The following HS3ST2 variants were observed in gnomAD, a reference collection of about 807,000 sequenced individuals.
The protein encoded by HS3ST2 is heparan sulfate-glucosamine 3-sulfotransferase 2, also known as heparan sulfate glucosamine 3-O-sulfotransferase 2.
HS3ST2 carries 17 observed loss-of-function variants against 26.3 expected under a neutral mutation model. The observed-to-expected ratio is 0.65, with a 90% CI of 0.44 to 0.97. The LOEUF is 0.97. Among genes scored for constraint, HS3ST2 ranks in the 50% least tolerant of loss-of-function variants. HS3ST2 has a pLI of 0.00. For missense variants in HS3ST2, 402 were observed against 501.2 expected (o/e 0.80, Z 1.89); for synonymous variants, 237 against 219.2 (o/e 1.08, Z -0.72).
In HS3ST2 at chr16:22,903,387, G is replaced by A. The variant is rs549599093; in HGVS notation, c.486-11557G>A. Reference sequence around the variant, plus strand: ...AAGTGTCAGCTATTGTCTTGTTTATGTCCAAAGCATCGATGACCACGTGTA... The same window carrying A: ...AAGTGTCAGCTATTGTCTTGTTTATATCCAAAGCATCGATGACCACGTGTA... On this transcript the variant is annotated intron_variant, in intron 1 of 1. Coordinates refer to ENST00000261374, the MANE Select transcript of HS3ST2 (RefSeq NM_006043.2). 3.3e-4 allele frequency among the ~76,000 whole-genome samples: 50 copies of A among 152,302 alleles called. No individual in the cohort carries two copies. In the South Asian group the frequency reaches 9.3e-3, roughly 28 times the overall value.
intron 1 of HS3ST2, among the ~76,000 whole-genome samples, chr16:22,852,211 C>T (rs1398938907): frequency 2.6e-5 from 4 of 152,146 alleles, no homozygotes; most frequent in African/African-American, 7.2e-5. Context: ...ACTTATCTGG[C>T]CCCAAATGTC....
At chr16:22,881,820 G>A (rs1392346927) in intron 1 of HS3ST2, among the ~76,000 whole-genome samples, 4 of 152,146 alleles carry the variant, frequency 2.6e-5, no homozygotes, top group African/African-American at 9.7e-5. Context: ...ATTTTCTCAG[G>A]TGCCTGGAAT....
rs10603570 is a variant in HS3ST2, at chr16:22,866,327, GCACA to G, written c.486-48603_486-48600del. On this transcript the variant is annotated intron_variant, in intron 1 of 1. Transcript: ENST00000261374. The stretch of plus-strand genomic sequence containing the variant: ...TTCGCGCAAGCACGTGCGCGCGCGC[GCACA>G]CACACACACACACTAACCAATTTGA... Among the ~76,000 whole-genome samples the G allele has an allele frequency of 1.4e-3, 206 of 149,290 alleles. 1 individual carries two copies. Among genetic ancestry groups the G allele is most frequent in the African/African-American group, 4.6e-3 (185 of 40,484 alleles).
intron 1 of HS3ST2, among the ~76,000 whole-genome samples, chr16:22,820,672 C>T (rs1900978974): frequency 6.6e-6 from 1 of 152,206 alleles, no homozygotes; most frequent in African/African-American, 2.4e-5. Flanking sequence ...CCACCTGGTC[C>T]CTCTGACAAC....
chr16:22,839,878 A>T (rs1295628374), intron 1 of HS3ST2, among the ~76,000 whole-genome samples: 1 of 152,232 alleles, frequency 6.6e-6, no homozygotes, highest in Non-Finnish European at 1.5e-5. Context: ...TTTCAAAACC[A>T]TGCAATATGA....
At chr16:22,863,732 A>G (rs532594083) in intron 1 of HS3ST2, among the ~76,000 whole-genome samples, 20 of 152,268 alleles carry the variant, frequency 1.3e-4, no homozygotes, top group African/African-American at 4.3e-4. Flanking sequence ...AGGCTCACAC[A>G]CAAGAGACTG....
At chr16:22,834,673 G>A (rs535455134) in intron 1 of HS3ST2, among the ~76,000 whole-genome samples, 9 of 120,646 alleles carry the variant, frequency 7.5e-5, no homozygotes, top group Middle Eastern at 5.0e-3. Flanking sequence ...GGGTAACCAT[G>A]CTTTAAAAAG....
chr16:22,866,314 C>CGT (rs1567491665), intron 1 of HS3ST2, among the ~76,000 whole-genome samples: 1 of 147,438 alleles, frequency 6.8e-6, no homozygotes, highest in East Asian at 2.0e-4. Flanking sequence ...CGCGCAAGCA[C>CGT]GTGCGCGCGC....
rs555980291 is a variant in HS3ST2 at position 22,876,636 on chromosome 16, C to T, written c.486-38308C>T. Among the ~76,000 whole-genome samples, 159 of 152,262 alleles carry T rather than the reference C, an allele frequency of 1.0e-3. 1 individual carries two copies. Among genetic ancestry groups the T allele is most frequent in the African/African-American group, 2.9e-3 (120 of 41,546 alleles). On this transcript the variant is annotated intron_variant, in intron 1 of 1. Transcript: ENST00000261374. ...CAGCAATCCCACTCCTGGGTATCTA[C>T]CCAGAGAAAAAGAAGTCATCATATG... is the stretch of plus-strand genomic sequence containing the variant.
intron 1 of HS3ST2, among the ~76,000 whole-genome samples, chr16:22,860,333 A>C (rs1040055237): frequency 6.6e-6 from 1 of 152,124 alleles, no homozygotes; most frequent in Non-Finnish European, 1.5e-5. Flanking sequence ...CTTATTCACT[A>C]TCACGAGAAC....
intron 1 of HS3ST2, among the ~76,000 whole-genome samples, chr16:22,846,809 T>A (rs906572858): frequency 2.6e-5 from 4 of 151,752 alleles, no homozygotes; most frequent in African/African-American, 4.8e-5. Context: ...TAAAAAAAAA[T>A]ATGCCAGGAA....
intron 1 of HS3ST2, among the ~76,000 whole-genome samples, chr16:22,884,653 GAA>G (rs200488676): frequency 7.8e-5 from 11 of 140,492 alleles, no homozygotes; most frequent in Admixed American, 1.4e-4. Flanking sequence ...GCAAAATAGA[GAA>G]AAAAATATAT....
chr16:22,910,052 AAAGAAAGAAAAG>A (rs1902406196), intron 1 of HS3ST2, among the ~76,000 whole-genome samples: 1 of 151,266 alleles, frequency 6.6e-6, no homozygotes. Flanking sequence ...AAAAAAAAAA[AAAGAAAGAAAAG>A]AAAAGGAAAA....
At chr16:22,913,186 G>A (rs1379424511) in intron 1 of HS3ST2, among the ~76,000 whole-genome samples, 1 of 110,114 alleles carries the variant, frequency 9.1e-6, no homozygotes, top group Non-Finnish European at 1.9e-5. Flanking sequence ...GAGGGAGGGC[G>A]GAAGGAAGGA....
At chr16:22,820,928 G>A (rs7195743) in intron 1 of HS3ST2, among the ~76,000 whole-genome samples, 1 of 152,194 alleles carries the variant, frequency 6.6e-6, no homozygotes, top group African/African-American at 2.4e-5. Flanking sequence ...GTCTTAGATT[G>A]AAGATATAGG....
At chr16:22,897,748 A>G (rs143804422) in intron 1 of HS3ST2, among the ~76,000 whole-genome samples, 4,633 of 44,050 alleles carry the variant, frequency 0.11, 1,647 homozygotes, top group South Asian at 0.16. Flanking sequence ...TAGCTTCGCT[A>G]TTCAGTACCT....
At position 22,915,870 on chromosome 16, in the gene HS3ST2, A is replaced by T; in HGVS notation, c.*308A>T. ...TGCTTTAAGAAGAGTGAATGTTCCA[A>T]TGATGATAGATATTATAAGCGATGA... On this transcript the variant is annotated 3_prime_UTR_variant, in exon 2 of 2. Coordinates refer to ENST00000261374, the MANE Select transcript of HS3ST2 (RefSeq NM_006043.2). 2.8e-6 allele frequency: 1 copy of T among 356,742 alleles called. No homozygotes were observed. Among genetic ancestry groups the T allele is most frequent in the Non-Finnish European group, 5.1e-6 (1 of 197,254 alleles). 22.1% of individuals were successfully genotyped at this position (356,742 alleles called of 1,614,324 possible). A position where few individuals can be genotyped will look rare whatever the true frequency, so the allele number is the denominator to read the frequency against.
In HS3ST2 at chr16:22,914,736, C is replaced by CAAAAAAAAAA. The variant is rs1159639879; in HGVS notation, c.486-189_486-180dup. On this transcript the variant is annotated intron_variant, in intron 1 of 1. Coordinates refer to ENST00000261374, the MANE Select transcript of HS3ST2 (RefSeq NM_006043.2). ...TGGGCGACAGAGTGAGACCTTGTCTCAAAAAAAAAAAAAAAAAAAAAAAAA... is the reference window on the plus strand; with the variant it reads ...TGGGCGACAGAGTGAGACCTTGTCTCAAAAAAAAAAAAAAAAAAAAAAAAAAAAAAAAAAA... Among the ~76,000 whole-genome samples the CAAAAAAAAAA allele has an allele frequency of 1.2e-3, 44 of 35,946 alleles. 5 individuals are homozygous for CAAAAAAAAAA. The highest frequency in any genetic ancestry group is 7.0e-3 in the East Asian group (7 of 996). 23.6% of individuals were successfully genotyped at this position (35,946 alleles called of 152,430 possible). A position where few individuals can be genotyped will look rare whatever the true frequency, so the allele number is the denominator to read the frequency against.
At chr16:22,910,203 C>T (rs1354832121) in intron 1 of HS3ST2, among the ~76,000 whole-genome samples, 1 of 152,204 alleles carries the variant, frequency 6.6e-6, no homozygotes, top group Admixed American at 6.5e-5. Context: ...TGGTGCTTCA[C>T]AGCTCTATAG....
Sources: allele counts gnomAD v4.1 joint callset (sites outside exome capture counted in the v4.1 genomes callset), GRCh38; gene constraint gnomAD v4.1.1; transcripts MANE v1.5; gene names NCBI Gene and HGNC (gene_info 2026-07-23, HGNC 2026-07-21).